SLC38A9: variants seen among roughly 807,000 people sequenced by gnomAD.
The protein encoded by SLC38A9 is neutral amino acid transporter 9.
In SLC38A9, 48 loss-of-function variants were observed where a neutral mutation model predicts 62.3. The ratio of observed to expected loss-of-function variants is 0.77; its 90% CI spans 0.61 to 0.98. SLC38A9 has a LOEUF of 0.98. Ranked by LOEUF, SLC38A9 falls within the 50% of genes least tolerant of loss-of-function variation. SLC38A9 has a pLI of 0.00. For synonymous variants in SLC38A9, 204 were observed against 227.7 expected, an observed-to-expected ratio of 0.90 and a Z score of 0.94; for missense variants, 541 against 679.8, an observed-to-expected ratio of 0.80 and a Z score of 2.27.
intron 7 of SLC38A9, among the ~76,000 whole-genome samples, chr5:55,665,365 G>C (rs1198026900): frequency 1.3e-5 from 2 of 151,888 alleles, no homozygotes; most frequent in Non-Finnish European, 2.9e-5. Flanking sequence ...GGCCAACATG[G>C]TGAAACCCCA....
intron 5 of SLC38A9, 21 bp downstream of exon 5, chr5:55,669,737 C>T: frequency 6.2e-7 from 1 of 1,607,300 alleles, no homozygotes; most frequent in Non-Finnish European, 8.5e-7. Flanking sequence ...AAGTCATGCT[C>T]CAAAAAGCAG....
intron 3 of SLC38A9, among the ~76,000 whole-genome samples, chr5:55,695,350 G>C (rs574706657): frequency 9.7e-6 from 1 of 103,324 alleles, no homozygotes; most frequent in African/African-American, 3.4e-5. Flanking sequence ...CAATAGTGGA[G>C]GGAAGGTCAG....
At chr5:55,680,220 T>TAGAGAGAGAGAG (rs72147048) in intron 3 of SLC38A9, among the ~76,000 whole-genome samples, 5 of 90,710 alleles carry the variant, frequency 5.5e-5, no homozygotes, top group African/African-American at 1.9e-4. Flanking sequence ...TATATCTATA[T>TAGAGAGAGAGAG]ATATATAGAG....
chr5:55,672,515 GTTCAT>G, intron 4 of SLC38A9, 43 bp downstream of exon 4: 1 of 1,600,860 alleles, frequency 6.2e-7, no homozygotes, highest in Non-Finnish European at 8.5e-7. Context: ...ATTGTTCACT[GTTCAT>G]TTCAACTGAA....
intron 3 of SLC38A9, among the ~76,000 whole-genome samples, chr5:55,679,548 A>G (rs947484762): frequency 1.3e-5 from 2 of 151,934 alleles, no homozygotes; most frequent in Non-Finnish European, 2.9e-5. Flanking sequence ...AGAATCTCTT[A>G]TTTCTATGTC....
intron 8 of SLC38A9, among the ~76,000 whole-genome samples, chr5:55,662,667 T>C (rs920544199): frequency 7.6e-5 from 8 of 105,386 alleles, no homozygotes; most frequent in African/African-American, 2.8e-4. Flanking sequence ...AGACTCCGTC[T>C]CAAAAAAACA....
chr5:55,640,447 A>G (rs1276824952), intron 12 of SLC38A9, among the ~76,000 whole-genome samples: 2 of 152,252 alleles, frequency 1.3e-5, no homozygotes, highest in African/African-American at 4.8e-5. Context: ...CATATGAAAT[A>G]CGGATTTCAA....
chr5:55,653,787 T>C (rs1747938702), intron 9 of SLC38A9, among the ~76,000 whole-genome samples: 1 of 151,942 alleles, frequency 6.6e-6, no homozygotes, highest in East Asian at 1.9e-4. Flanking sequence ...GCCTCCTGAG[T>C]AGCTAGGATT....
rs1400110527 is a variant in SLC38A9 at position 55,669,721 on chromosome 5, C to T, written c.368+37G>A. 2.5e-6 allele frequency: 4 copies of T among 1,603,188 alleles called. No homozygotes were observed. The African/African-American group carries it at 4.0e-5, about 16-fold the overall frequency. The stretch of plus-strand genomic sequence containing the variant: ...AAAACCAGTAATTTTCATCCATATA[C>T]AGTTTAAGTCATGCTCCAAAAAGCA... On this transcript the variant is annotated intron_variant, in intron 5 of 15. Transcript: ENST00000396865.
chr5:55,699,084 T>A (rs143351238), intron 2 of SLC38A9, among the ~76,000 whole-genome samples: 1,604 of 152,032 alleles, frequency 0.011, 24 homozygotes, highest in African/African-American at 0.037. Flanking sequence ...TGAAACCCTG[T>A]CTCTACTAAA....
intron 14 of SLC38A9, 102 bp from the exon 15 acceptor site, chr5:55,628,082 T>A: frequency 1.4e-6 from 1 of 709,858 alleles, no homozygotes; most frequent in South Asian, 1.8e-5. Context: ...ATCGTTAAAA[T>A]CAAAATGTCT....
intron 12 of SLC38A9, among the ~76,000 whole-genome samples, chr5:55,643,986 AGT>A (rs1419038309): frequency 6.6e-6 from 1 of 152,084 alleles, no homozygotes; most frequent in African/African-American, 2.4e-5. Flanking sequence ...TTTGAGATGG[AGT>A]GTTGCTCTGT....
chr5:55,683,003 A>C (rs1332042284), intron 3 of SLC38A9, among the ~76,000 whole-genome samples: 1 of 151,928 alleles, frequency 6.6e-6, no homozygotes, highest in Non-Finnish European at 1.5e-5. Context: ...GAGGGAAGAA[A>C]GATGGCAGGG....
At chr5:55,644,538 C>T (rs1745996906) in intron 12 of SLC38A9, among the ~76,000 whole-genome samples, 1 of 152,048 alleles carries the variant, frequency 6.6e-6, no homozygotes, top group African/African-American at 2.4e-5. Flanking sequence ...TTCTCTGCCT[C>T]AGCTTCCTGA....
At chr5:55,645,399 C>A (rs1561324551) in intron 12 of SLC38A9, among the ~76,000 whole-genome samples, 1 of 152,152 alleles carries the variant, frequency 6.6e-6, no homozygotes, top group South Asian at 2.1e-4. Flanking sequence ...ATTAGCCATA[C>A]CTCTATTTTT....
At position 55,645,792 on chromosome 5, in the gene SLC38A9, G is replaced by A; in HGVS notation, c.1164C>T (p.Asn388=). Reference sequence around the variant, plus strand: ...AATTCCAAAGATAATTACTCACATTGTTTTCTTGTTTCTTGTTGTTCTTCA... The same window carrying A: ...AATTCCAAAGATAATTACTCACATTATTTTCTTGTTTCTTGTTGTTCTTCA... ...TLLKNNKKQE[N]NVRDLCIAYM... Residue 388 remains asparagine (N), a synonymous_variant, in exon 12 of 16, where the codon AAC becomes AAT. Coordinates refer to ENST00000396865, the MANE Select transcript of SLC38A9 (RefSeq NM_173514.4). The A allele has an allele frequency of 6.3e-7, 1 of 1,593,884 alleles. No individual in the cohort carries two copies. The highest frequency in any genetic ancestry group is 1.3e-5 in the African/African-American group (1 of 74,344).
chr5:55,686,626 A>G (rs1268504158), intron 3 of SLC38A9, among the ~76,000 whole-genome samples: 1 of 102,866 alleles, frequency 9.7e-6, no homozygotes, highest in Non-Finnish European at 2.3e-5. Context: ...TAGTTTAATT[A>G]GATCCCATTT....
At chr5:55,672,428 A>G in intron 4 of SLC38A9, 135 bp downstream of exon 4, 1 of 928,140 alleles carries the variant, frequency 1.1e-6, no homozygotes, top group Non-Finnish European at 1.6e-6. Context: ...GTTAATTACT[A>G]TCTTTGACTT....
Position 55,709,312 on chromosome 5 carries a change from C to G in SLC38A9, c.-35+2140G>C, listed in dbSNP as rs532116429. Among the ~76,000 whole-genome samples the G allele has an allele frequency of 9.2e-5, 14 of 152,148 alleles. 1 individual carries two copies. The South Asian group carries it at 2.9e-3, about 32-fold the overall frequency. On this transcript the variant is annotated intron_variant, in intron 2 of 15. Coordinates refer to ENST00000396865, the MANE Select transcript of SLC38A9 (RefSeq NM_173514.4). Reference sequence around the variant, plus strand: ...TTCAGTGGTAAGAAAGAAAAAAACCCTAGCAAACGACAGAAATTTAAGTAT... The same window carrying G: ...TTCAGTGGTAAGAAAGAAAAAAACCGTAGCAAACGACAGAAATTTAAGTAT...
Sources: allele counts gnomAD v4.1 joint callset (sites outside exome capture counted in the v4.1 genomes callset), GRCh38; gene constraint gnomAD v4.1.1; transcripts MANE v1.5; gene names NCBI Gene and HGNC (gene_info 2026-07-23, HGNC 2026-07-21).